The following ZNF420 variants were observed in gnomAD, a reference collection of about 807,000 sequenced individuals.
ZNF420 encodes ATM and p53-associated KZNF protein.
In ZNF420, 31 loss-of-function variants were observed where a neutral mutation model predicts 44.7. The ratio of observed to expected loss-of-function variants is 0.69; its 90% CI spans 0.52 to 0.94. The LOEUF is 0.94. ZNF420 is among the 40% of genes least tolerant of loss of function. The pLI, the probability that ZNF420 is intolerant of heterozygous loss-of-function variation, is 0.00. For missense variants in ZNF420, 681 were observed against 827.9 expected (o/e 0.82, Z 2.18); for synonymous variants, 245 against 267.4 (o/e 0.92, Z 0.82).
At position 37,037,719 on chromosome 19, in the gene ZNF420, C is replaced by G. The variant is rs749629722; in HGVS notation, c.-125+29637C>G. Among the ~76,000 whole-genome samples, 48 of 152,280 alleles carry G rather than the reference C, an allele frequency of 3.2e-4. 1 individual carries two copies. Among genetic ancestry groups the G allele is most frequent in the Admixed American group, 9.2e-4 (14 of 15,300 alleles). On this transcript the variant is annotated intron_variant, in intron 1 of 4. Coordinates refer to the ZNF420 transcript ENST00000587029. ...TGGCAGCAGCCTCAATAGCATGCCT[C>G]AATAGCAGGCCTCAGGTGATCCGTC...
At chr19:37,074,237 C>G (rs1270363798), upstream of ZNF420, among the ~76,000 whole-genome samples, 1 of 152,156 alleles carries the variant, frequency 6.6e-6, no homozygotes, top group African/African-American at 2.4e-5. Flanking sequence ...TGCACATCTC[C>G]TTGAACCAAA....
intron 4 of ZNF420, among the ~76,000 whole-genome samples, chr19:37,118,972 A>C (rs1425693800): frequency 6.6e-6 from 1 of 152,208 alleles, no homozygotes; most frequent in East Asian, 1.9e-4. Context: ...TCATAAAGCA[A>C]GTCCTGAGTG....
chr19:37,080,595 A>G (rs974848804), intron 2 of ZNF420, among the ~76,000 whole-genome samples: 2 of 152,342 alleles, frequency 1.3e-5, no homozygotes, highest in South Asian at 4.1e-4. Context: ...TTTGAGACTC[A>G]TGGATTTAAA....
chr19:37,095,761 G>C (rs1010310713), intron 4 of ZNF420, among the ~76,000 whole-genome samples: 1 of 152,036 alleles, frequency 6.6e-6, no homozygotes, highest in Admixed American at 6.6e-5. Context: ...GCCAAGCCCA[G>C]CTTATTTTTT....
At chr19:37,011,467 C>T (rs2146367770) in intron 1 of ZNF420, among the ~76,000 whole-genome samples, 1 of 152,290 alleles carries the variant, frequency 6.6e-6, no homozygotes, top group East Asian at 1.9e-4. Context: ...AATCTTTTGG[C>T]TGCCATGAAT....
intron 4 of ZNF420, among the ~76,000 whole-genome samples, chr19:37,112,895 TGGGGATTTTTTTGTGG>T (rs1970456115): frequency 6.6e-6 from 1 of 152,160 alleles, no homozygotes; most frequent in Non-Finnish European, 1.5e-5. Flanking sequence ...TATATCCCTG[TGGGGATTTTTTTGTGG>T]GGGCTCCCTG....
intron 1 of ZNF420, among the ~76,000 whole-genome samples, chr19:37,031,372 A>G (rs958918886): frequency 1.3e-5 from 2 of 152,154 alleles, no homozygotes; most frequent in African/African-American, 4.8e-5. Flanking sequence ...AACACCAAGA[A>G]GTCCTCTGTA....
At chr19:37,070,272 G>T (rs942567214) in intron 1 of ZNF420, among the ~76,000 whole-genome samples, 1 of 152,006 alleles carries the variant, frequency 6.6e-6, no homozygotes, top group African/African-American at 2.4e-5. Context: ...CTACAGAGAT[G>T]AATTCTAAGA....
intron 4 of ZNF420, among the ~76,000 whole-genome samples, chr19:37,104,561 A>G (rs1457414973): frequency 6.6e-6 from 1 of 152,182 alleles, no homozygotes; most frequent in Non-Finnish European, 1.5e-5. Flanking sequence ...GAATTGCCAC[A>G]TTGTCTTCCA....
At chr19:37,109,903 C>T (rs571176908) in intron 4 of ZNF420, 1 of 152,214 alleles carries the variant, frequency 6.6e-6, no homozygotes, top group Non-Finnish European at 1.5e-5. Flanking sequence ...GATTAAGTTG[C>T]ATCTGAGGAG....
intron 1 of ZNF420, among the ~76,000 whole-genome samples, chr19:37,024,396 T>G (rs1252485909): frequency 6.6e-6 from 1 of 152,072 alleles, no homozygotes; most frequent in Non-Finnish European, 1.5e-5. Context: ...AAAATCAACT[T>G]TCTAAATTGA....
At chr19:37,040,313 ATC>A (rs572257552) in intron 1 of ZNF420, among the ~76,000 whole-genome samples, 208 of 152,226 alleles carry the variant, frequency 1.4e-3, no homozygotes, top group Non-Finnish European at 2.4e-3. Context: ...TAGCGTCCTC[ATC>A]TCTCTCGGCC....
chr19:37,078,290 G>A (rs1235670728), upstream of ZNF420: 1 of 152,270 alleles, frequency 6.6e-6, no homozygotes, highest in East Asian at 1.9e-4. Context: ...CCCCTCGAGG[G>A]GTGAGCGGCC....
intron 1 of ZNF420, among the ~76,000 whole-genome samples, chr19:37,049,634 A>G (rs2078731400): frequency 6.6e-6 from 1 of 152,132 alleles, no homozygotes; most frequent in Non-Finnish European, 1.5e-5. Flanking sequence ...TCAGATGAGC[A>G]GGTTGCGAAA....
chr19:37,018,456 A>G (rs2074623369), intron 1 of ZNF420, among the ~76,000 whole-genome samples: 1 of 152,240 alleles, frequency 6.6e-6, no homozygotes, highest in African/African-American at 2.4e-5. Flanking sequence ...ATATAGCCAG[A>G]TGCTTATCAA....
At chr19:37,117,083 G>C (rs1425122326) in intron 4 of ZNF420, among the ~76,000 whole-genome samples, 1 of 152,222 alleles carries the variant, frequency 6.6e-6, no homozygotes, top group Non-Finnish European at 1.5e-5. Context: ...AAACGTCCCT[G>C]TCTGACAGCT....
intron 1 of ZNF420, among the ~76,000 whole-genome samples, chr19:37,071,709 G>A (rs749160996): frequency 6.6e-6 from 1 of 152,120 alleles, no homozygotes; most frequent in African/African-American, 2.4e-5. Flanking sequence ...GCTGAGGCAG[G>A]AGAATCGCTT....
rs766793574 is a variant in ZNF420, at chr19:37,128,111, C to T, written c.1120C>T (p.Arg374Cys). Residue 374 changes from arginine (R) to cysteine (C), a missense_variant, in exon 5 of 5, where the codon CGT becomes TGT. Physicochemically the swap from Arg to Cys is radical, Grantham distance 180. This residue lies in a region of ZNF420 where 51 missense variants were observed against 106.8 expected (regional missense o/e 0.48). Coordinates refer to ENST00000337995, the MANE Select transcript of ZNF420 (RefSeq NM_144689.5). ...TGAAGAATGTGGGAAGGCCTTTATC[C>T]GTGGCTCACAACTTACTCAACACCA... ...KCEECGKAFI[R>C]GSQLTQHQRI... 8 of 1,613,922 alleles carry T rather than the reference C, an allele frequency of 5.0e-6. No individual in the cohort carries two copies. The highest frequency in any genetic ancestry group is 1.1e-5 in the South Asian group (1 of 91,080).
chr19:37,053,372 T>C (rs574003471), intron 1 of ZNF420, among the ~76,000 whole-genome samples: 11 of 152,344 alleles, frequency 7.2e-5, no homozygotes, highest in African/African-American at 2.6e-4. Context: ...GTCAAAGTCA[T>C]TTTCCATCCA....
Sources: gnomAD v4.1 joint callset for allele counts (sites outside exome capture counted in the v4.1 genomes callset) on GRCh38, gnomAD v4.1.1 for gene constraint, gnomAD v4.1.1 regional missense constraint, MANE v1.5 for transcripts, NCBI Gene and HGNC (gene_info 2026-07-23, HGNC 2026-07-21) for gene names.